The following DNAJB4 variants were observed in gnomAD, a reference collection of about 807,000 sequenced individuals.
The protein encoded by DNAJB4 is DnaJ heat shock protein family (Hsp40) member B4, also known as dnaJ homolog subfamily B member 4.
In DNAJB4, 10 loss-of-function variants were observed where a neutral mutation model predicts 26.6. The ratio of observed to expected loss-of-function variants is 0.38; its 90% confidence interval spans 0.23 to 0.64. The LOEUF is 0.64. DNAJB4 is among the 30% of genes least tolerant of loss of function. The pLI, the probability that DNAJB4 is intolerant of heterozygous loss-of-function variation, is 0.58. For missense variants in DNAJB4, 328 were observed against 408.2 expected, an observed-to-expected ratio of 0.80 and a Z score of 1.69; for synonymous variants, 136 against 134.8, an observed-to-expected ratio of 1.01 and a Z score of -0.06.
At chr1:77,983,179 A>G (rs142941656) in intron 1 of DNAJB4, among the ~76,000 whole-genome samples, 2 of 152,200 alleles carry the variant, frequency 1.3e-5, no homozygotes, top group Admixed American at 6.5e-5. Context: ...AGTGCTGTGC[A>G]TTTAGATATG....
At chr1:77,994,322 C>T (rs1660008603) in intron 1 of DNAJB4, among the ~76,000 whole-genome samples, 1 of 151,546 alleles carries the variant, frequency 6.6e-6, no homozygotes, top group Non-Finnish European at 1.5e-5. Context: ...TACTTGAGCC[C>T]CGGAGGCTGA....
At chr1:77,997,314 CAAAAA>C (rs371562329) in intron 1 of DNAJB4, among the ~76,000 whole-genome samples, 1 of 67,664 alleles carries the variant, frequency 1.5e-5, no homozygotes, top group Non-Finnish European at 3.4e-5. Flanking sequence ...CCTGTCTCTA[CAAAAA>C]AAAAAAAAAA....
chr1:78,003,831 C>CTA (rs1331586497), upstream of DNAJB4, among the ~76,000 whole-genome samples: 3 of 151,998 alleles, frequency 2.0e-5, no homozygotes. Flanking sequence ...AATTATAAAA[C>CTA]TACAGCAAAT....
At chr1:77,999,704 T>C (rs1016024619) in intron 1 of DNAJB4, among the ~76,000 whole-genome samples, 4 of 152,212 alleles carry the variant, frequency 2.6e-5, no homozygotes, top group Non-Finnish European at 4.4e-5. Context: ...CTGACACATG[T>C]ACTATCTCAT....
At chr1:78,000,546 A>G (rs1660166244), upstream of DNAJB4, among the ~76,000 whole-genome samples, 1 of 152,210 alleles carries the variant, frequency 6.6e-6, no homozygotes, top group South Asian at 2.1e-4. Flanking sequence ...CTCGGCAAAT[A>G]TAATCACTTT....
intron 1 of DNAJB4, among the ~76,000 whole-genome samples, chr1:78,011,578 A>G (rs968863595): frequency 4.7e-5 from 7 of 150,110 alleles, no homozygotes; most frequent in African/African-American, 1.7e-4. Context: ...TCTGCCTCCC[A>G]GGTTCAAGCG....
At chr1:77,993,577 AGGT>A (rs1659988622) in intron 1 of DNAJB4, among the ~76,000 whole-genome samples, 1 of 152,076 alleles carries the variant, frequency 6.6e-6, no homozygotes, top group Non-Finnish European at 1.5e-5. Context: ...TGGCCTTCTA[AGGT>A]GCTGGGATAT....
At chr1:77,989,969 C>G (rs1659893675) in intron 1 of DNAJB4, among the ~76,000 whole-genome samples, 1 of 152,184 alleles carries the variant, frequency 6.6e-6, no homozygotes, top group African/African-American at 2.4e-5. Context: ...TCTCTTACAT[C>G]TCATTGGCTA....
chr1:77,995,091 A>T (rs1031427942), intron 1 of DNAJB4, among the ~76,000 whole-genome samples: 3 of 152,218 alleles, frequency 2.0e-5, no homozygotes, highest in Admixed American at 6.5e-5. Context: ...ATCTGAATTG[A>T]GGTCAAAGTG....
upstream of DNAJB4, among the ~76,000 whole-genome samples, chr1:78,000,407 T>C (rs899805992): frequency 1.3e-5 from 2 of 152,296 alleles, no homozygotes; most frequent in African/African-American, 4.8e-5. Context: ...ATGAGGAAGC[T>C]GAGGTCAGAG....
chr1:77,984,258 C>G (rs971163628), intron 1 of DNAJB4, among the ~76,000 whole-genome samples: 11 of 152,330 alleles, frequency 7.2e-5, no homozygotes, highest in African/African-American at 2.6e-4. Context: ...AGTCATTGAA[C>G]TACTTTCAAT....
At chr1:78,004,099 T>TC (rs1177975273), upstream of DNAJB4, among the ~76,000 whole-genome samples, 1 of 152,168 alleles carries the variant, frequency 6.6e-6, no homozygotes, top group African/African-American at 2.4e-5. Context: ...GGAACATGAG[T>TC]ATGTACTGTC....
chr1:77,998,726 T>C (rs968765378), intron 1 of DNAJB4, among the ~76,000 whole-genome samples: 1 of 151,948 alleles, frequency 6.6e-6, no homozygotes, highest in African/African-American at 2.4e-5. Flanking sequence ...TGGTCCTAGC[T>C]ACTCTGGGGG....
chr1:77,992,332 G>A (rs1659950076), intron 1 of DNAJB4, among the ~76,000 whole-genome samples: 1 of 131,010 alleles, frequency 7.6e-6, no homozygotes, highest in African/African-American at 2.8e-5. Flanking sequence ...AGAATGGCGT[G>A]AACCCGGGAG....
At chr1:78,001,540 A>T (rs1167402552), upstream of DNAJB4, among the ~76,000 whole-genome samples, 1 of 152,126 alleles carries the variant, frequency 6.6e-6, no homozygotes, top group Non-Finnish European at 1.5e-5. Flanking sequence ...TTTATTATAA[A>T]CTGAGAAATG....
At chr1:77,992,245 C>G (rs1195207565) in intron 1 of DNAJB4, among the ~76,000 whole-genome samples, 2 of 150,972 alleles carry the variant, frequency 1.3e-5, no homozygotes, top group South Asian at 2.1e-4. Flanking sequence ...AACCCCGTCT[C>G]TACTAAAAAT....
At chr1:77,982,635 T>G (rs1319305566) in intron 1 of DNAJB4, among the ~76,000 whole-genome samples, 2 of 152,102 alleles carry the variant, frequency 1.3e-5, no homozygotes, top group Non-Finnish European at 2.9e-5. Flanking sequence ...TCGGCTCTAC[T>G]AAAAATACAA....
intron 2 of DNAJB4, among the ~76,000 whole-genome samples, chr1:78,015,514 T>A: frequency 6.6e-6 from 1 of 150,472 alleles, no homozygotes. Context: ...CCTTTTTTTC[T>A]TTTCTTTTCT....
At chr1:77,984,038 C>T (rs899737645) in intron 1 of DNAJB4, among the ~76,000 whole-genome samples, 3 of 152,112 alleles carry the variant, frequency 2.0e-5, no homozygotes, top group African/African-American at 7.2e-5. Flanking sequence ...GACTGGGGTA[C>T]CTCCAGTGCC....
Sources: gnomAD v4.1 joint callset for allele counts (sites outside exome capture counted in the v4.1 genomes callset) on GRCh38, gnomAD v4.1.1 for gene constraint, MANE v1.5 for transcripts, NCBI Gene and HGNC (gene_info 2026-07-23, HGNC 2026-07-21) for gene names.